Variants in ADPRHL1 observed in about 807,000 individuals in gnomAD.
ADPRHL1 encodes inactive ADP-ribosyltransferase ARH2.
Under a neutral mutation model 44.1 loss-of-function variants are expected in ADPRHL1, and 43 were observed. The observed-to-expected ratio is 0.98, with a 90% CI of 0.76 to 1.26. ADPRHL1 has a LOEUF of 1.26. Among genes scored for constraint, ADPRHL1 ranks in the 50% most tolerant of loss-of-function variants. The probability of loss-of-function intolerance (pLI) is 0.00; values close to 1 mark genes in which losing one functional copy is unlikely to be tolerated. For missense variants in ADPRHL1, 2,022 were observed against 2,496.9 expected (o/e 0.81, Z 4.05); for synonymous variants, 878 against 1,017.4 (o/e 0.86, Z 2.61).
chr13:113,426,791 G>T (rs1332308872), intron 4 of ADPRHL1, among the ~76,000 whole-genome samples: 1 of 152,220 alleles, frequency 6.6e-6, no homozygotes, highest in East Asian at 1.9e-4. Context: ...CAGACTGAAA[G>T]CACTGCCTCT....
In ADPRHL1 at chr13:113,406,511, G is replaced by A. The variant is rs975717109; in HGVS notation, c.2771C>T (p.Pro924Leu). Residue 924 changes from proline to leucine, a missense_variant, in exon 8 of 8, where the codon CCG (proline) becomes CTG (leucine). Physicochemically the swap from Pro to Leu is moderately conservative, Grantham distance 98 (BLOSUM62 -3). Around this residue, in one of 8 missense-constraint regions of ADPRHL1, gnomAD observed 1,221 missense variants for 1,517.8 expected, o/e 0.80. Transcript: ENST00000612156. ...AGCCCCTCTTGCTGCTGCCAGACGC[G>A]GAGCTGCCCGTGGCCCCTGCGGCGA... is the stretch of plus-strand genomic sequence containing the variant. The part of the protein sequence containing the change: ...ASSPQGPRAA[P>L]RLAAARGAVG... The A allele has an allele frequency of 6.7e-5, 83 of 1,232,008 alleles. No individual in the cohort carries two copies. Among genetic ancestry groups the A allele is most frequent in the African/African-American group, 5.7e-4 (37 of 64,536 alleles). The allele number at this position is 1,232,008 out of a possible 1,614,324, so 76.3% of individuals were successfully genotyped here. A position where few individuals can be genotyped will look rare whatever the true frequency, so the allele number is the denominator to read the frequency against.
rs561233925 is a variant in ADPRHL1 at position 113,434,155 on chromosome 13, T to C, written c.380-288A>G. Among the ~76,000 whole-genome samples, 4 of 152,292 alleles carry C rather than the reference T, an allele frequency of 2.6e-5. No individual in the cohort carries two copies. In the South Asian group the frequency reaches 6.2e-4, roughly 24 times the overall value. On this transcript the variant is annotated intron_variant, in intron 2 of 7. Transcript: ENST00000612156. Reference sequence around the variant, plus strand: ...GCAGCATGCTTTCAACGAGATGTTTTCCCTGTAAAAACAGCTTCATTGAGT... The same window carrying C: ...GCAGCATGCTTTCAACGAGATGTTTCCCCTGTAAAAACAGCTTCATTGAGT...
At chr13:113,432,746 T>C (rs2044015924) in intron 3 of ADPRHL1, among the ~76,000 whole-genome samples, 1 of 152,234 alleles carries the variant, frequency 6.6e-6, no homozygotes, top group Non-Finnish European at 1.5e-5. Flanking sequence ...TGGGCAGCTC[T>C]GCCCTCCTTG....
At chr13:113,412,734 ACAGTGCCCCGCGGAG>A (rs1219098443) in intron 7 of ADPRHL1, among the ~76,000 whole-genome samples, 7 of 151,006 alleles carry the variant, frequency 4.6e-5, no homozygotes, top group African/African-American at 1.5e-4. Context: ...CCCACCGCCA[ACAGTGCCCCGCGGAG>A]CTCGGTTCAC....
chr13:113,447,589 C>A (rs941561749), intron 1 of ADPRHL1, among the ~76,000 whole-genome samples: 5 of 129,352 alleles, frequency 3.9e-5, no homozygotes, highest in Non-Finnish European at 7.8e-5. Flanking sequence ...ATGGTGTCTA[C>A]ACACATGTTG....
intron 4 of ADPRHL1, among the ~76,000 whole-genome samples, chr13:113,427,585 G>C (rs111812800): frequency 6.6e-6 from 1 of 151,694 alleles, no homozygotes; most frequent in Non-Finnish European, 1.5e-5. Flanking sequence ...CCAGGCTGGA[G>C]TGCAGTGGCA....
intron 1 of ADPRHL1, among the ~76,000 whole-genome samples, chr13:113,447,789 C>T (rs971398446): frequency 5.3e-5 from 8 of 152,160 alleles, no homozygotes; most frequent in African/African-American, 1.9e-4. Flanking sequence ...TTCGCCTGCA[C>T]CCGAAACCCC....
intron 7 of ADPRHL1, among the ~76,000 whole-genome samples, chr13:113,418,904 G>GA (rs942446580): frequency 1.5e-5 from 2 of 136,852 alleles, no homozygotes; most frequent in Non-Finnish European, 3.1e-5. Flanking sequence ...GTGCAACACT[G>GA]ATGCTCCCAG....
chr13:113,440,821 CAGG>C (rs2044091743), intron 2 of ADPRHL1, among the ~76,000 whole-genome samples: 1 of 152,108 alleles, frequency 6.6e-6, no homozygotes, highest in Non-Finnish European at 1.5e-5. Flanking sequence ...TGAAGTGCAA[CAGG>C]AGATTTTTGG....
intron 7 of ADPRHL1, among the ~76,000 whole-genome samples, chr13:113,412,399 C>A (rs909721399): frequency 5.3e-5 from 8 of 152,176 alleles, no homozygotes; most frequent in African/African-American, 1.9e-4. Context: ...AGGATGGTCT[C>A]GATCTCCTGA....
At chr13:113,433,651 C>A (rs1431662676) in intron 3 of ADPRHL1, 91 bp downstream of exon 3, 4 of 1,422,056 alleles carry the variant, frequency 2.8e-6, no homozygotes, top group South Asian at 1.5e-5. Flanking sequence ...CAGGCCCCCG[C>A]CCCCCACCCC....
intron 1 of ADPRHL1, among the ~76,000 whole-genome samples, chr13:113,452,665 A>G (rs535896803): frequency 1.3e-5 from 2 of 152,318 alleles, no homozygotes; most frequent in African/African-American, 4.8e-5. Context: ...TTCTTAGAAC[A>G]CATTTGTGTA....
chr13:113,439,817 TTA>T lies in ADPRHL1; in HGVS notation c.379+4606_379+4607del, dbSNP rs916669439. Among the ~76,000 whole-genome samples, 47 of 152,220 alleles carry T rather than the reference TTA, an allele frequency of 3.1e-4. 1 individual carries two copies. On this transcript the variant is annotated intron_variant, in intron 2 of 7. Coordinates refer to ENST00000612156, the MANE Select transcript of ADPRHL1 (RefSeq NM_001394807.1). ...CTCCTCTTGAGTGACCTTCGGTAGT[TTA>T]TGTCTTTCAAAAACATTTGTCCTTT...
At chr13:113,451,323 C>A (rs530153339) in intron 1 of ADPRHL1, among the ~76,000 whole-genome samples, 1 of 152,182 alleles carries the variant, frequency 6.6e-6, no homozygotes, top group Non-Finnish European at 1.5e-5. Flanking sequence ...TTTTATTATA[C>A]TGGAACAGCT....
intron 3 of ADPRHL1, among the ~76,000 whole-genome samples, chr13:113,431,418 G>A (rs147821431): frequency 2.3e-3 from 346 of 152,346 alleles, no homozygotes; most frequent in African/African-American, 7.9e-3. Context: ...TTGGCCCGGC[G>A]GGAGGGCTGC....
intron 2 of ADPRHL1, 40 bp downstream of exon 2, chr13:113,444,385 G>A (rs753033301): frequency 1.2e-6 from 2 of 1,603,684 alleles, no homozygotes; most frequent in East Asian, 2.2e-5. Flanking sequence ...AGGGTCCCCA[G>A]CAGGGTGGCT....
At chr13:113,424,115 A>G in intron 6 of ADPRHL1, 102 bp downstream of exon 6, 3 of 1,446,054 alleles carry the variant, frequency 2.1e-6, no homozygotes, top group Non-Finnish European at 1.9e-6. Context: ...GGAGCTCAGG[A>G]GGTGGCCCCT....
In ADPRHL1 at chr13:113,401,660, G is replaced by C. The variant is rs1055340646; in HGVS notation, c.*1718C>G. The C allele has an allele frequency of 6.6e-6, 1 of 152,374 alleles. No individual in the cohort carries two copies. The highest frequency in any genetic ancestry group is 1.5e-5 in the Non-Finnish European group (1 of 68,212). The allele number at this position is 152,374 out of a possible 1,614,324, so 9.4% of individuals were successfully genotyped here. On this transcript the variant is annotated 3_prime_UTR_variant, in exon 8 of 8. Transcript: ENST00000612156. The surrounding 1 kb of genome is among the most constrained non-coding windows in gnomAD (Gnocchi z 5.5). ...CCCTGTCGGGGGAGCTGTGGGGACC[G>C]GCCCCCCAGAGCTCAGCACAGCCCG...
chr13:113,429,028 G>T lies in ADPRHL1; in HGVS notation c.570C>A (p.Val190=). The change falls in exon 4 of 8, where the codon GTC becomes GTA. Residue 190 remains valine, a synonymous_variant. Coordinates refer to ENST00000612156, the MANE Select transcript of ADPRHL1 (RefSeq NM_001394807.1). ...CCCGCAGCATGTCTCTCCCCCACTGGACCAGGGGCTTTCCTTGTGCGGCGA... is the reference window on the plus strand; with the variant it reads ...CCCGCAGCATGTCTCTCCCCCACTGTACCAGGGGCTTTCCTTGTGCGGCGA... The part of the protein sequence containing the change: ...VSFAAQGKPL[V]QWGRDMLRAV... 1 of 1,612,876 alleles carries T rather than the reference G, an allele frequency of 6.2e-7. No individual in the cohort carries two copies. Among genetic ancestry groups the T allele is most frequent in the Non-Finnish European group, 8.5e-7 (1 of 1,179,998 alleles).
Sources: allele counts gnomAD v4.1 joint callset (sites outside exome capture counted in the v4.1 genomes callset), GRCh38; gene constraint gnomAD v4.1.1; regional missense constraint gnomAD v4.1.1; non-coding constraint Gnocchi (gnomAD v3.1); transcripts MANE v1.5; gene names NCBI Gene and HGNC (gene_info 2026-07-23, HGNC 2026-07-21).